IL1RAPL2: variants seen among roughly 807,000 people sequenced by gnomAD.
IL1RAPL2 encodes the protein X-linked interleukin-1 receptor accessory protein-like 2.
In IL1RAPL2, 3 loss-of-function variants were observed where a neutral mutation model predicts 44.1. That is an observed-to-expected ratio of 0.07 (90% CI 0.03 to 0.18). The LOEUF is 0.18. IL1RAPL2 is among the 10% of genes least tolerant of loss of function. The pLI, the probability that IL1RAPL2 is intolerant of heterozygous loss-of-function variation, is 1.00. For missense variants in IL1RAPL2, 391 were observed against 496.4 expected, an observed-to-expected ratio of 0.79 and a Z score of 2.02; for synonymous variants, 181 against 178.8, an observed-to-expected ratio of 1.01 and a Z score of -0.10.
chrX:105,343,652 T>G (rs1215621296), intron 5 of IL1RAPL2, among the ~76,000 whole-genome samples: 1 of 111,810 alleles, frequency 8.9e-6, no homozygotes, highest in East Asian at 2.8e-4. Flanking sequence ...GATTTTTTTC[T>G]TTAATGCAGA....
intron 2 of IL1RAPL2, among the ~76,000 whole-genome samples, chrX:104,940,974 G>A (rs1183224760): frequency 9.6e-6 from 1 of 104,057 alleles, no homozygotes. Flanking sequence ...AGAACATGTG[G>A]TGTTTGGTTT....
intron 2 of IL1RAPL2, among the ~76,000 whole-genome samples, chrX:104,975,594 T>C (rs1289323122): frequency 1.8e-5 from 2 of 112,714 alleles, no homozygotes; most frequent in Non-Finnish European, 3.7e-5. Context: ...TAAACTTTTT[T>C]GGATTCTTTG....
rs750856114 is a variant in IL1RAPL2, at chrX:105,245,392, A to G, written c.543+11388A>G. Among the ~76,000 whole-genome samples the G allele has an allele frequency of 9.9e-5, 11 of 111,625 alleles. No homozygotes were observed. The Admixed American group carries it at 1.1e-3, about 11-fold the overall frequency. On this transcript the variant is annotated intron_variant, in intron 4 of 10. Transcript: ENST00000372582. ...GGAAGCTAGAGGTGAATCAGGTGGT[A>G]CTGGAGGCATGTTCATAAAGATGCC...
At chrX:105,194,134 CT>C (rs1306389539) in intron 2 of IL1RAPL2, among the ~76,000 whole-genome samples, 1 of 112,138 alleles carries the variant, frequency 8.9e-6, no homozygotes, top group Non-Finnish European at 1.9e-5. Flanking sequence ...CCTGGGTGTC[CT>C]TGAACCCTAG....
At chrX:105,463,896 C>T (rs902666608) in intron 5 of IL1RAPL2, among the ~76,000 whole-genome samples, 2 of 112,345 alleles carry the variant, frequency 1.8e-5, no homozygotes, top group East Asian at 2.8e-4. Context: ...GCATATCCTA[C>T]TCATTATAGA....
In IL1RAPL2 at chrX:104,723,640, C is replaced by T. The variant is rs201629537; in HGVS notation, c.82+64645C>T. 2.7e-5 allele frequency among the ~76,000 whole-genome samples: 3 copies of T among 110,624 alleles called. No individual in the cohort carries two copies. The East Asian group carries it at 8.6e-4, about 32-fold the overall frequency. ...GGTGAACAACAACAAAAAAATCCTA[C>T]CCACAGAGAAATGACAAGGAATTTG... On this transcript the variant is annotated intron_variant, in intron 2 of 10. Transcript: ENST00000372582.
At chrX:104,611,071 T>C (rs929919293) in intron 1 of IL1RAPL2, among the ~76,000 whole-genome samples, 21 of 111,408 alleles carry the variant, frequency 1.9e-4, no homozygotes, top group Admixed American at 1.9e-4. Flanking sequence ...CAGCCAGAGC[T>C]CTCCTGTATG....
intron 2 of IL1RAPL2, among the ~76,000 whole-genome samples, chrX:105,177,955 A>G (rs764226611): frequency 9.0e-6 from 1 of 111,522 alleles, no homozygotes; most frequent in Non-Finnish European, 1.9e-5. Context: ...CCATCACCTC[A>G]TGTTTTTATC....
intron 6 of IL1RAPL2, among the ~76,000 whole-genome samples, chrX:105,647,793 C>CA (rs1776074235): frequency 8.9e-6 from 1 of 112,595 alleles, no homozygotes; most frequent in South Asian, 3.7e-4. Flanking sequence ...TTGGCTCTGC[C>CA]AGGCTCCTTT....
chrX:105,533,241 TCAC>T (rs2036652356), intron 6 of IL1RAPL2, among the ~76,000 whole-genome samples: 1 of 111,924 alleles, frequency 8.9e-6, no homozygotes, highest in Non-Finnish European at 1.9e-5. Context: ...TTCTGGGAAA[TCAC>T]CACAGATAAA....
Position 104,701,939 on chromosome X carries a change from T to A in IL1RAPL2, c.82+42944T>A, listed in dbSNP as rs1034209969. Among the ~76,000 whole-genome samples, 7 of 111,667 alleles carry A rather than the reference T, an allele frequency of 6.3e-5. No homozygotes were observed. The East Asian group carries it at 8.5e-4, about 13-fold the overall frequency. ...GCTGGGATAGTAATGCTGATAAAAA[T>A]TTTTTTTGAAAACATTCAGGCTGCA... On this transcript the variant is annotated intron_variant, in intron 2 of 10. Coordinates refer to ENST00000372582, the MANE Select transcript of IL1RAPL2 (RefSeq NM_017416.2).
chrX:104,645,670 G>A (rs1250879642), intron 1 of IL1RAPL2, among the ~76,000 whole-genome samples: 1 of 111,279 alleles, frequency 9.0e-6, no homozygotes, highest in Non-Finnish European at 1.9e-5. Context: ...TGTTGTCTGT[G>A]GTTTTTTCTT....
chrX:105,079,309 C>T, intron 2 of IL1RAPL2, among the ~76,000 whole-genome samples: 1 of 110,366 alleles, frequency 9.1e-6, no homozygotes, highest in East Asian at 3.0e-4. Flanking sequence ...CCTAGCAATC[C>T]TATTACTGGG....
chrX:104,603,949 C>G (rs1307076328), intron 1 of IL1RAPL2, among the ~76,000 whole-genome samples: 3 of 111,479 alleles, frequency 2.7e-5, no homozygotes, highest in Non-Finnish European at 1.9e-5. Flanking sequence ...TCAGGATATA[C>G]AGAGAACACC....
At chrX:104,884,221 T>A (rs1018275265) in intron 2 of IL1RAPL2, among the ~76,000 whole-genome samples, 1 of 111,313 alleles carries the variant, frequency 9.0e-6, no homozygotes, top group Non-Finnish European at 1.9e-5. Context: ...TGAGAATGCA[T>A]CAGTAAGGGC....
intron 5 of IL1RAPL2, among the ~76,000 whole-genome samples, chrX:105,297,406 A>G (rs1417388148): frequency 8.9e-6 from 1 of 111,924 alleles, no homozygotes; most frequent in Non-Finnish European, 1.9e-5. Context: ...TCACACTGCT[A>G]TAAAGATACT....
At chrX:104,848,907 A>G (rs1386588357) in intron 2 of IL1RAPL2, among the ~76,000 whole-genome samples, 2 of 111,406 alleles carry the variant, frequency 1.8e-5, no homozygotes, top group African/African-American at 6.5e-5. Context: ...TTGAAAATGA[A>G]CCAGATAATT....
intron 5 of IL1RAPL2, among the ~76,000 whole-genome samples, chrX:105,457,595 A>G (rs185106331): frequency 1.8e-5 from 2 of 109,723 alleles, no homozygotes; most frequent in African/African-American, 6.6e-5. Flanking sequence ...ATTGCTTTTT[A>G]TAGCTGAAAA....
At chrX:105,747,145 C>T (rs1236440448) in intron 8 of IL1RAPL2, among the ~76,000 whole-genome samples, 1 of 110,079 alleles carries the variant, frequency 9.1e-6, no homozygotes, top group Non-Finnish European at 1.9e-5. Flanking sequence ...TGGAGAGCCA[C>T]GTTTTACATA....
Sources: allele counts gnomAD v4.1 joint callset (sites outside exome capture counted in the v4.1 genomes callset), GRCh38; gene constraint gnomAD v4.1.1; transcripts MANE v1.5; gene names NCBI Gene and HGNC (gene_info 2026-07-23, HGNC 2026-07-21).